Variants in FASTKD2 observed in about 807,000 individuals in gnomAD.
The protein encoded by FASTKD2 is FAST kinase domain-containing protein 2, mitochondrial.
FASTKD2 carries 51 observed loss-of-function variants against 63.6 expected under a neutral mutation model. That is an observed-to-expected ratio of 0.80 (90% confidence interval 0.64 to 1.01). The LOEUF (loss-of-function observed/expected upper bound fraction) is 1.01, where lower values mean the gene tolerates loss of function less well. FASTKD2 is among the 50% of genes least tolerant of loss of function. The probability of loss-of-function intolerance (pLI) is 0.00; values close to 1 mark genes in which losing one functional copy is unlikely to be tolerated. For missense variants in FASTKD2, 786 were observed against 831.1 expected (o/e 0.95, Z 0.67); for synonymous variants, 284 against 293.4 (o/e 0.97, Z 0.33).
intron 2 of FASTKD2, among the ~76,000 whole-genome samples, chr2:206,769,371 C>A (rs1230404220): frequency 6.6e-6 from 1 of 152,204 alleles, no homozygotes; most frequent in African/African-American, 2.4e-5. Flanking sequence ...TCTCTTCAGG[C>A]TAAGTTTCCT....
At position 206,767,047 on chromosome 2, in the gene FASTKD2, G is replaced by GTC; in HGVS notation, c.358_359dup (p.Val121LeufsTer11). 6.2e-7 allele frequency: 1 copy of GTC among 1,614,068 alleles called. No individual in the cohort carries two copies. The highest frequency in any genetic ancestry group is 8.5e-7 in the Non-Finnish European group (1 of 1,179,946). On this transcript the variant is annotated frameshift_variant, in exon 2 of 12. Transcript: ENST00000402774. LOFTEE classifies it high-confidence loss of function. ...AAAGACTGTTTTTTGACTCAAAGCA[G>GTC]TCTCTTGTCCCTGTTGATAAATCTG...
intron 7 of FASTKD2, among the ~76,000 whole-genome samples, chr2:206,782,038 A>G (rs1690000266): frequency 6.6e-6 from 1 of 152,142 alleles, no homozygotes; most frequent in South Asian, 2.1e-4. Context: ...GAGTGCAGGA[A>G]GCTGTCCACC....
rs1274667720 is a variant in FASTKD2 at position 206,792,438 on chromosome 2, T to A, written c.*636T>A. On this transcript the variant is annotated 3_prime_UTR_variant, in exon 12 of 12. Transcript: ENST00000402774. The stretch of plus-strand genomic sequence containing the variant: ...GGGTCCTTCCTTTCTCTTTCTTTTT[T>A]CCCCCTTACCCCTCCCACAATTTCA... 6.6e-6 allele frequency: 1 copy of A among 152,642 alleles called. No individual in the cohort carries two copies. Among genetic ancestry groups the A allele is most frequent in the African/African-American group, 2.4e-5 (1 of 41,434 alleles). The allele number at this position is 152,642 out of a possible 1,614,324, so 9.5% of individuals were successfully genotyped here.
chr2:206,787,089 C>G (rs1255796173), intron 8 of FASTKD2, among the ~76,000 whole-genome samples, 190 bp downstream of exon 8: 2 of 151,986 alleles, frequency 1.3e-5, no homozygotes, highest in East Asian at 1.9e-4. Context: ...ACCTACAGAC[C>G]CTTCTTTAAT....
At chr2:206,767,559 A>G in intron 2 of FASTKD2, 89 bp downstream of exon 2, 1 of 1,009,722 alleles carries the variant, frequency 9.9e-7, no homozygotes, top group Non-Finnish European at 1.5e-6. Context: ...GCCTTCTTAA[A>G]AGAGACTATC....
intron 6 of FASTKD2, among the ~76,000 whole-genome samples, chr2:206,773,740 A>G (rs1689748981): frequency 6.6e-6 from 1 of 152,184 alleles, no homozygotes; most frequent in Admixed American, 6.5e-5. Context: ...TATTTTAATC[A>G]TAATGTTTCA....
rs1435113533 is a variant in FASTKD2 at position 206,795,590 on chromosome 2, ACT to A, written c.*3790_*3791del. Among the ~76,000 whole-genome samples, 2 of 152,058 alleles carry A rather than the reference ACT, an allele frequency of 1.3e-5. No individual in the cohort carries two copies. Among genetic ancestry groups the A allele is most frequent in the African/African-American group, 4.8e-5 (2 of 41,394 alleles). On this transcript the variant is annotated 3_prime_UTR_variant, in exon 12 of 12. Coordinates refer to ENST00000402774, the MANE Select transcript of FASTKD2 (RefSeq NM_001136193.2). ...CATTTGTGCACACAGGTGTGCCGTG[ACT>A]CACTGGTGGATCCAAAAAAAGCTGA...
rs566362395 is a variant in FASTKD2, at chr2:206,777,855, A to G, written c.1427+3458A>G. ...CATTATTGGTTTGTTTAGATTTTCTATTTCTTTATGATTCAGTCTTGGTAG... is the reference window on the plus strand; with the variant it reads ...CATTATTGGTTTGTTTAGATTTTCTGTTTCTTTATGATTCAGTCTTGGTAG... On this transcript the variant is annotated intron_variant, in intron 7 of 11. Transcript: ENST00000402774. Among the ~76,000 whole-genome samples, 9 of 152,092 alleles carry G rather than the reference A, an allele frequency of 5.9e-5. No individual in the cohort carries two copies. The East Asian group carries it at 1.5e-3, about 26-fold the overall frequency.
rs1689629207 is a variant in FASTKD2, at chr2:206,770,111, T to C, written c.798T>C (p.Asp266=). The C allele has an allele frequency of 6.2e-7, 1 of 1,600,380 alleles. No homozygotes were observed. The highest frequency in any genetic ancestry group is 8.6e-7 in the Non-Finnish European group (1 of 1,167,438). ...RVTQERINEC[D]EICLSVLSTV... is the part of the protein sequence containing the mutation. ...AATAGGAACGTATCAATGAGTGTGATGAGATATGCCTTTCAGTTTTGTCAA... is the reference window on the plus strand; with the variant it reads ...AATAGGAACGTATCAATGAGTGTGACGAGATATGCCTTTCAGTTTTGTCAA... The change falls in exon 3 of 12, where the codon GAT becomes GAC. Residue 266 remains aspartate (D), a synonymous_variant. Coordinates refer to ENST00000402774, the MANE Select transcript of FASTKD2 (RefSeq NM_001136193.2).
chr2:206,772,682 C>T (rs114805526), intron 6 of FASTKD2, among the ~76,000 whole-genome samples: 2,433 of 152,218 alleles, frequency 0.016, 72 homozygotes, highest in African/African-American at 0.054. Context: ...TCGCAGCTCC[C>T]AATCAGCTGT....
chr2:206,790,431 A>G, intron 10 of FASTKD2, 141 bp from the exon 11 acceptor site: 1 of 682,108 alleles, frequency 1.5e-6, no homozygotes, highest in Non-Finnish European at 2.7e-6. Context: ...GCCAAGTAAA[A>G]GAAGTGAAGG....
Position 206,790,632 on chromosome 2 carries a change from A to T in FASTKD2, c.1959A>T (p.Gly653=). Residue 653 remains glycine (G), a synonymous_variant, in exon 11 of 12, where the codon GGA becomes GGT. Coordinates refer to ENST00000402774, the MANE Select transcript of FASTKD2 (RefSeq NM_001136193.2). ...GTTTGGGTTCAAGCCACCCCAGAGG[A>T]TTCCTTGCTATGAAAATGCGGCATT... ...AYCLGSSHPR[G]FLAMKMRHLN... is the part of the protein sequence containing the mutation. 1 of 1,613,518 alleles carries T rather than the reference A, an allele frequency of 6.2e-7. No homozygotes were observed.
intron 7 of FASTKD2, among the ~76,000 whole-genome samples, chr2:206,785,759 C>T (rs914839496): frequency 1.3e-5 from 2 of 152,166 alleles, no homozygotes; most frequent in Admixed American, 1.3e-4. Flanking sequence ...CTATCGTTTT[C>T]CTGGCCTTAT....
chr2:206,792,655 A>C lies in FASTKD2; in HGVS notation c.*853A>C, dbSNP rs1431783645. On this transcript the variant is annotated 3_prime_UTR_variant, in exon 12 of 12. Transcript: ENST00000402774. The stretch of plus-strand genomic sequence containing the variant: ...ATGAATAGGCATGGTCTCTTGTGGA[A>C]CTTACAGCATGGGTTCCATGCAAGT... 1 of 152,182 alleles carries C rather than the reference A, an allele frequency of 6.6e-6. No individual in the cohort carries two copies. Among genetic ancestry groups the C allele is most frequent in the Non-Finnish European group, 1.5e-5 (1 of 68,038 alleles). The allele number at this position is 152,182 out of a possible 1,614,324, so 9.4% of individuals were successfully genotyped here.
At chr2:206,774,440 T>G in intron 7 of FASTKD2, 43 bp downstream of exon 7, 1 of 1,281,978 alleles carries the variant, frequency 7.8e-7, no homozygotes, top group South Asian at 1.2e-5. Flanking sequence ...GCCATATAAC[T>G]TACAAAAAAG....
At chr2:206,768,899 C>A (rs1212625070) in intron 2 of FASTKD2, among the ~76,000 whole-genome samples, 1 of 152,170 alleles carries the variant, frequency 6.6e-6, no homozygotes. Context: ...GTTTAAACCA[C>A]AGAATATCCC....
Position 206,788,682 on chromosome 2 carries a change from A to G in FASTKD2, c.1814-137A>G, listed in dbSNP as rs891748507. On this transcript the variant is annotated intron_variant, in intron 9 of 11. Coordinates refer to ENST00000402774, the MANE Select transcript of FASTKD2 (RefSeq NM_001136193.2). ...CCTGGGAAGTTGCTGCAGTGAGCTGAGATCACACTACTGCACTCCAGCCTG... is the reference window on the plus strand; with the variant it reads ...CCTGGGAAGTTGCTGCAGTGAGCTGGGATCACACTACTGCACTCCAGCCTG... The G allele has an allele frequency of 7.9e-6, 5 of 630,464 alleles. No homozygotes were observed. In the Admixed American group the frequency reaches 1.1e-4, roughly 13 times the overall value. 39.1% of individuals were successfully genotyped at this position (630,464 alleles called of 1,614,324 possible).
rs770759068 is a variant in FASTKD2, at chr2:206,772,203, A to G, written c.1137A>G (p.Leu379=). The change falls in exon 6 of 12, where the codon TTA becomes TTG. Residue 379 remains leucine, a synonymous_variant. Transcript: ENST00000402774. ...AAGATAATATCCATGGGTGTCCTTTAAGAATAATGATCAACATATTGCAGT... is the reference window on the plus strand; with the variant it reads ...AAGATAATATCCATGGGTGTCCTTTGAGAATAATGATCAACATATTGCAGT... ...VVLDNIHGCP[L]RIMINILQSC... is the part of the protein sequence containing the mutation. The G allele has an allele frequency of 1.6e-5, 26 of 1,613,132 alleles. No individual in the cohort carries two copies. Among genetic ancestry groups the G allele is most frequent in the Non-Finnish European group, 2.2e-5 (26 of 1,179,046 alleles).
chr2:206,766,561 T>C lies in FASTKD2; in HGVS notation c.-50-83T>C, dbSNP rs901836718. ...TAATGGCTCCATAGGTTCCCCATTTTCTCTTCTGTTAAATGCATTTCATTT... is the reference window on the plus strand; with the variant it reads ...TAATGGCTCCATAGGTTCCCCATTTCCTCTTCTGTTAAATGCATTTCATTT... On this transcript the variant is annotated intron_variant, in intron 1 of 11. Coordinates refer to ENST00000402774, the MANE Select transcript of FASTKD2 (RefSeq NM_001136193.2). 192 of 823,788 alleles carry C rather than the reference T, an allele frequency of 2.3e-4. 2 individuals carry two copies. Among genetic ancestry groups the C allele is most frequent in the South Asian group, 1.9e-3 (122 of 64,980 alleles). 51.0% of individuals were successfully genotyped at this position (823,788 alleles called of 1,614,324 possible).
Sources: gnomAD v4.1 joint callset for allele counts (sites outside exome capture counted in the v4.1 genomes callset) on GRCh38, gnomAD v4.1.1 for gene constraint, MANE v1.5 for transcripts, NCBI Gene and HGNC (gene_info 2026-07-23, HGNC 2026-07-21) for gene names.